CEP95: variants seen among roughly 807,000 people sequenced by gnomAD.
CEP95 encodes centrosomal protein 95.
In CEP95, 98 loss-of-function variants were observed where a neutral mutation model predicts 111.2. That is an observed-to-expected ratio of 0.88 (90% confidence interval 0.75 to 1.04). The LOEUF (loss-of-function observed/expected upper bound fraction) is 1.04. CEP95 is among the 50% of genes least tolerant of loss of function. CEP95 has a pLI of 0.00. For synonymous variants in CEP95, 323 were observed against 327.1 expected, an observed-to-expected ratio of 0.99 and a Z score of 0.14; for missense variants, 1,027 against 977.2, an observed-to-expected ratio of 1.05 and a Z score of -0.68.
chr17:64,507,127 C>G lies in CEP95; in HGVS notation c.19+11C>G. 5 of 1,551,464 alleles carry G rather than the reference C, an allele frequency of 3.2e-6. No individual in the cohort carries two copies. In the South Asian group the frequency reaches 3.6e-5, roughly 11 times the overall value. On this transcript the variant is annotated intron_variant, in intron 1 of 19. Transcript: ENST00000556440. ...CAGGCTCGGATGCTGGTGAGTGTCT[C>G]CCTGGGGTCCCAGTATGTGTGGACT...
chr17:64,521,785 T>C (rs895512767), intron 7 of CEP95, among the ~76,000 whole-genome samples: 5 of 152,170 alleles, frequency 3.3e-5, no homozygotes, highest in African/African-American at 1.2e-4. Flanking sequence ...ACAGAGTCTC[T>C]GACACATTAG....
chr17:64,507,908 T>C lies in CEP95; in HGVS notation c.20-684T>C. The stretch of plus-strand genomic sequence containing the variant: ...ACTTTTGGTACAGAAACCGTTAAAC[T>C]TTGCAAATCCCAGCAATATCTAGGG... On this transcript the variant is annotated intron_variant, in intron 1 of 19. Coordinates refer to ENST00000556440, the MANE Select transcript of CEP95 (RefSeq NM_138363.3). The C allele has an allele frequency of 3.0e-6, 3 of 985,414 alleles. No individual in the cohort carries two copies. In the South Asian group the frequency reaches 1.4e-4, roughly 46 times the overall value. 61.0% of individuals were successfully genotyped at this position (985,414 alleles called of 1,614,324 possible).
At chr17:64,534,863 C>A in intron 17 of CEP95, 126 bp downstream of exon 17, 1 of 1,127,984 alleles carries the variant, frequency 8.9e-7, no homozygotes, top group Non-Finnish European at 1.3e-6. Context: ...TCCTATAGTG[C>A]TGGCCCTGAG....
chr17:64,523,024 G>A, intron 8 of CEP95, 129 bp downstream of exon 8: 1 of 713,066 alleles, frequency 1.4e-6, no homozygotes, highest in East Asian at 2.7e-5. Flanking sequence ...CTTTGTCAAG[G>A]AAGCCCCTAT....
In CEP95 at chr17:64,507,133, G is replaced by T. The variant is rs1341327413; in HGVS notation, c.19+17G>T. 1 of 1,551,460 alleles carries T rather than the reference G, an allele frequency of 6.4e-7. No homozygotes were observed. ...CGGATGCTGGTGAGTGTCTCCCTGG[G>T]GTCCCAGTATGTGTGGACTGAAACC... On this transcript the variant is annotated intron_variant, in intron 1 of 19. Transcript: ENST00000556440.
chr17:64,537,245 GGT>G, intron 19 of CEP95, 133 bp downstream of exon 19: 1 of 1,436,324 alleles, frequency 7.0e-7, no homozygotes, highest in South Asian at 1.5e-5. Flanking sequence ...GTACTCTCTA[GGT>G]TTGTGTAAGT....
rs538814096 is a variant in CEP95 at position 64,530,768 on chromosome 17, C to T, written c.1447-158C>T. The stretch of plus-strand genomic sequence containing the variant: ...GGTGATCCACCTGTCTCATCCTCAC[C>T]GCACGCGGCTAAGAGCTTGGATGCT... On this transcript the variant is annotated intron_variant, in intron 12 of 19. Coordinates refer to ENST00000556440, the MANE Select transcript of CEP95 (RefSeq NM_138363.3). Among the ~76,000 whole-genome samples, 22 of 152,246 alleles carry T rather than the reference C, an allele frequency of 1.4e-4. No individual in the cohort carries two copies. The South Asian group carries it at 2.3e-3, about 16-fold the overall frequency.
At chr17:64,507,647 C>T in intron 1 of CEP95, 1 of 988,282 alleles carries the variant, frequency 1.0e-6, no homozygotes, top group Non-Finnish European at 1.2e-6. Flanking sequence ...ATTTGGTTGT[C>T]TAGGACGCTT....
chr17:64,514,632 G>T (rs918865106), intron 4 of CEP95: 2 of 403,366 alleles, frequency 5.0e-6, no homozygotes, highest in Admixed American at 4.2e-5. Flanking sequence ...ATTATTTATT[G>T]TCCTATGATT....
At chr17:64,532,400 A>T (rs1190894814) in intron 14 of CEP95, 1 of 985,306 alleles carries the variant, frequency 1.0e-6, no homozygotes, top group African/African-American at 1.7e-5. Flanking sequence ...AGTGCCAATG[A>T]GTGTAGAGTC....
intron 3 of CEP95, among the ~76,000 whole-genome samples, chr17:64,511,655 G>T (rs2038905669): frequency 6.6e-6 from 1 of 152,084 alleles, no homozygotes; most frequent in Admixed American, 6.6e-5. Flanking sequence ...TGGTCCTGAG[G>T]CTACATACAT....
intron 16 of CEP95, 200 bp from the exon 17 acceptor site, chr17:64,534,385 G>A (rs1267477020): frequency 3.8e-6 from 2 of 532,324 alleles, no homozygotes; most frequent in Non-Finnish European, 6.8e-6. Flanking sequence ...GCCCTCTGCT[G>A]CAGTGGGGTG....
chr17:64,509,693 A>T (rs1555674170), intron 2 of CEP95, among the ~76,000 whole-genome samples: 1 of 152,282 alleles, frequency 6.6e-6, no homozygotes, highest in Non-Finnish European at 1.5e-5. Context: ...TCAATAAATA[A>T]TAAATAAACA....
chr17:64,530,534 G>C (rs78839182), intron 12 of CEP95, among the ~76,000 whole-genome samples: 119 of 140,494 alleles, frequency 8.5e-4, no homozygotes, highest in African/African-American at 3.1e-3. Context: ...TCAAGGTGGA[G>C]ATTCACTCTT....
In CEP95 at chr17:64,520,841, A is replaced by C. The variant is rs148050755; in HGVS notation, c.590-561A>C. Among the ~76,000 whole-genome samples the C allele has an allele frequency of 3.7e-3, 567 of 152,266 alleles. 4 individuals carry two copies. The highest frequency in any genetic ancestry group is 0.013 in the African/African-American group (542 of 41,552). On this transcript the variant is annotated intron_variant, in intron 6 of 19. Coordinates refer to ENST00000556440, the MANE Select transcript of CEP95 (RefSeq NM_138363.3). ...CAGCATTTCCGTAACTCTGGCATCT[A>C]TTTTTCTAAAGCTAAATAATGAAAC...
At chr17:64,507,947 G>A in intron 1 of CEP95, 1 of 984,822 alleles carries the variant, frequency 1.0e-6, no homozygotes, top group Non-Finnish European at 1.2e-6. Flanking sequence ...AGGAGAATGT[G>A]GTACGCAGGA....
At chr17:64,522,676 A>G (rs941069261) in intron 7 of CEP95, 26 bp from the exon 8 acceptor site, 8 of 1,568,548 alleles carry the variant, frequency 5.1e-6, no homozygotes, top group Non-Finnish European at 7.0e-6. Flanking sequence ...TTGCATCGTA[A>G]TATCCACTTT....
chr17:64,521,650 A>C (rs1967347295), intron 7 of CEP95, 123 bp downstream of exon 7: 1 of 796,738 alleles, frequency 1.3e-6, no homozygotes, highest in African/African-American at 1.8e-5. Context: ...ACATGATCTT[A>C]CTTGTAAATG....
At chr17:64,508,238 T>C in intron 1 of CEP95, 1 of 980,238 alleles carries the variant, frequency 1.0e-6, no homozygotes, top group South Asian at 4.7e-5. Context: ...TAAACTGTTG[T>C]TTATGACATA....
Sources: gnomAD v4.1 joint callset for allele counts (sites outside exome capture counted in the v4.1 genomes callset) on GRCh38, gnomAD v4.1.1 for gene constraint, MANE v1.5 for transcripts, NCBI Gene and HGNC (gene_info 2026-07-23, HGNC 2026-07-21) for gene names.